Variants in NUP160 observed in about 807,000 individuals in gnomAD.
NUP160 encodes nucleoporin 160.
In NUP160, 94 loss-of-function variants were observed where a neutral mutation model predicts 196.9. The ratio of observed to expected loss-of-function variants is 0.48; its 90% CI spans 0.40 to 0.57. NUP160 has a LOEUF of 0.57. Ranked by LOEUF, NUP160 falls within the 20% of genes least tolerant of loss-of-function variation. The probability of loss-of-function intolerance (pLI) is 0.00; values close to 1 mark genes in which losing one functional copy is unlikely to be tolerated. For synonymous variants in NUP160, 605 were observed against 619.7 expected (o/e 0.98, Z 0.35); for missense variants, 1,638 against 1,748.3 (o/e 0.94, Z 1.13).
At chr11:47,834,424 C>T (rs540633647) in intron 7 of NUP160, among the ~76,000 whole-genome samples, 1 of 152,178 alleles carries the variant, frequency 6.6e-6, no homozygotes, top group East Asian at 1.9e-4. Context: ...CAAGGGTTGT[C>T]CTCCAGAAGA....
intron 11 of NUP160, 130 bp from the exon 12 acceptor site, chr11:47,816,159 C>G: frequency 1.8e-6 from 1 of 561,572 alleles, no homozygotes; most frequent in Non-Finnish European, 3.1e-6. Flanking sequence ...ACACACATCA[C>G]CCAAGAGAAA....
chr11:47,835,709 T>C, exon 7 of NUP160: 1 of 1,604,162 alleles, frequency 6.2e-7, no homozygotes, highest in African/African-American at 1.3e-5. Flanking sequence ...GGTGGGGGAA[T>C]AAGCAAGCCG....
chr11:47,821,623 G>A, intron 9 of NUP160, 101 bp downstream of exon 9: 2 of 828,182 alleles, frequency 2.4e-6, no homozygotes, highest in East Asian at 5.1e-5. Flanking sequence ...GCCTCTCAAA[G>A]TGTTAGGATT....
intron 13 of NUP160, among the ~76,000 whole-genome samples, chr11:47,814,584 G>C (rs1293865683): frequency 6.6e-6 from 1 of 150,980 alleles, no homozygotes; most frequent in Non-Finnish European, 1.5e-5. Context: ...AAAAAATTAT[G>C]GGCACAATTG....
chr11:47,822,754 G>A (rs996666383), intron 7 of NUP160, among the ~76,000 whole-genome samples: 1 of 152,054 alleles, frequency 6.6e-6, no homozygotes, highest in Non-Finnish European at 1.5e-5. Flanking sequence ...AGTGTGTGAC[G>A]TTCCCCACCC....
rs57141346 is a variant in NUP160, at chr11:47,806,790, T to TACAC, written c.2446+276_2446+279dup. Among the ~76,000 whole-genome samples, 322 of 111,852 alleles carry TACAC rather than the reference T, an allele frequency of 2.9e-3. 6 individuals carry two copies. The highest frequency in any genetic ancestry group is 0.011 in the African/African-American group (301 of 28,272). The allele number at this position is 111,852 out of a possible 152,430, so 73.4% of individuals were successfully genotyped here. A position where few individuals can be genotyped will look rare whatever the true frequency, so the allele number is the denominator to read the frequency against. On this transcript the variant is annotated intron_variant, in intron 19 of 35. Transcript: ENST00000378460. ...TCAAAACAGAATGGGAAAGCAGCTA[T>TACAC]ACACACACACACACACACACACACA...
intron 28 of NUP160, 134 bp from the exon 29 acceptor site, chr11:47,792,124 T>C (rs2097668223): frequency 1.6e-6 from 1 of 611,108 alleles, no homozygotes; most frequent in African/African-American, 1.9e-5. Flanking sequence ...AGAGCTCTTC[T>C]TACAGAGGTA....
intron 7 of NUP160, among the ~76,000 whole-genome samples, chr11:47,828,143 A>G (rs1852007817): frequency 6.6e-6 from 1 of 152,232 alleles, no homozygotes; most frequent in Non-Finnish European, 1.5e-5. Flanking sequence ...TGCTGGGATT[A>G]CAGGTGTGAG....
At chr11:47,811,379 C>T (rs528993279) in intron 17 of NUP160, among the ~76,000 whole-genome samples, 1 of 151,452 alleles carries the variant, frequency 6.6e-6, no homozygotes, top group African/African-American at 2.4e-5. Context: ...CACGGTGGCA[C>T]GCACCTGTAA....
At chr11:47,792,996 T>C (rs1343891567) in intron 27 of NUP160, 50 bp from the exon 28 acceptor site, 2 of 1,498,098 alleles carry the variant, frequency 1.3e-6, no homozygotes, top group Non-Finnish European at 1.8e-6. Context: ...TTTTTTTTTC[T>C]TTTTTTTGGA....
chr11:47,824,814 G>GT lies in NUP160; in HGVS notation c.1102-2651dup, dbSNP rs71045522. 9.2e-4 allele frequency among the ~76,000 whole-genome samples: 133 copies of GT among 144,444 alleles called. No individual in the cohort carries two copies. In the Middle Eastern group the frequency reaches 0.014, roughly 15 times the overall value. The allele number at this position is 144,444 out of a possible 152,430, so 94.8% of individuals were successfully genotyped here. Reference sequence around the variant, plus strand: ...TCTACCCGACCCAGCTTTTTCTTTTGTTTTTTTTTTTCACGTTAATTTAAT... The same window carrying GT: ...TCTACCCGACCCAGCTTTTTCTTTTGTTTTTTTTTTTTCACGTTAATTTAAT... On this transcript the variant is annotated intron_variant, in intron 7 of 35. Coordinates refer to ENST00000378460, the Ensembl canonical transcript of NUP160.
chr11:47,841,607 G>A, intron 2 of NUP160: 1 of 431,700 alleles, frequency 2.3e-6, no homozygotes, highest in Non-Finnish European at 4.6e-6. Context: ...AGTGTTACAA[G>A]GAAGGCCATG....
At chr11:47,847,355 C>T (rs1395605364) in intron 2 of NUP160, among the ~76,000 whole-genome samples, 2 of 152,070 alleles carry the variant, frequency 1.3e-5, no homozygotes, top group African/African-American at 4.8e-5. Context: ...GTATATTTTT[C>T]CTCTAGGGCA....
At chr11:47,835,147 T>C (rs992351252) in intron 7 of NUP160, among the ~76,000 whole-genome samples, 2 of 152,120 alleles carry the variant, frequency 1.3e-5, no homozygotes, top group Non-Finnish European at 2.9e-5. Context: ...GCATATAGCA[T>C]ATGAGCCCAG....
intron 7 of NUP160, among the ~76,000 whole-genome samples, chr11:47,825,483 C>T (rs1215399511): frequency 2.1e-5 from 3 of 142,584 alleles, no homozygotes; most frequent in Non-Finnish European, 4.5e-5. Context: ...GACGGAGTAT[C>T]GCTCTGTCAC....
chr11:47,829,164 C>T (rs1852028860), intron 7 of NUP160, among the ~76,000 whole-genome samples: 1 of 142,192 alleles, frequency 7.0e-6, no homozygotes, highest in Admixed American at 6.9e-5. Context: ...AGACAGCTCA[C>T]GTGGTAGAAA....
At chr11:47,788,201 A>C (rs1599306042) in exon 31 of NUP160, 2 of 1,613,540 alleles carry the variant, frequency 1.2e-6, no homozygotes, top group Non-Finnish European at 1.7e-6. Context: ...AGCCCTTCAA[A>C]GACTGGCGTT....
At chr11:47,781,429 A>G (rs1184743315) in intron 34 of NUP160, among the ~76,000 whole-genome samples, 1 of 151,646 alleles carries the variant, frequency 6.6e-6, no homozygotes, top group Non-Finnish European at 1.5e-5. Context: ...TGACCAGCTA[A>G]TTTTTTTCTA....
chr11:47,804,633 A>G lies in NUP160; in HGVS notation c.2607-15T>C, dbSNP rs572696819. 202 of 1,498,986 alleles carry G rather than the reference A, an allele frequency of 1.3e-4. No individual in the cohort carries two copies. Among genetic ancestry groups the G allele is most frequent in the Non-Finnish European group, 1.7e-4 (192 of 1,128,182 alleles). The allele number at this position is 1,498,986 out of a possible 1,614,324, so 92.9% of individuals were successfully genotyped here. On this transcript the variant is annotated splice_polypyrimidine_tract_variant and intron_variant, in intron 20 of 35. Transcript: ENST00000378460. ...TGCTAGGCCATCTAGTCATTGGTTAAGGATATTTCTTAATTTTTGTTGGCA... is the reference window on the plus strand; with the variant it reads ...TGCTAGGCCATCTAGTCATTGGTTAGGGATATTTCTTAATTTTTGTTGGCA...
Sources: allele counts gnomAD v4.1 joint callset (sites outside exome capture counted in the v4.1 genomes callset), GRCh38; gene constraint gnomAD v4.1.1; transcripts MANE v1.5; gene names NCBI Gene and HGNC (gene_info 2026-07-23, HGNC 2026-07-21).